Variants in KNL1 observed in about 807,000 individuals in gnomAD.
KNL1 encodes outer kinetochore KNL1 complex subunit KNL1.
A neutral mutation model predicts 201.3 loss-of-function variants in KNL1; 66 were observed. The observed-to-expected ratio is 0.33, with a 90% confidence interval of 0.27 to 0.40. KNL1 has a LOEUF of 0.40. Ranked by LOEUF, KNL1 falls within the 10% of genes least tolerant of loss-of-function variation. The pLI is 1.00. For missense variants in KNL1, 2,815 were observed against 2,690.5 expected (o/e 1.05, Z -1.02); for synonymous variants, 895 against 899.2 (o/e 1.00, Z 0.08).
At position 40,625,186 on chromosome 15, in the gene KNL1, TTAAAGA is replaced by T; in HGVS notation, c.4928_4933del (p.Asp1643_Lys1644del). 6.2e-7 allele frequency: 1 copy of T among 1,614,032 alleles called. No homozygotes were observed. The highest frequency in any genetic ancestry group is 8.5e-7 in the Non-Finnish European group (1 of 1,179,958). ...ACCTCTCTACCGCCAAAGACAGTTT[TTAAAGA>T]TAAAGTAAGGAGATGTTCTTTGGGA... is the stretch of plus-strand genomic sequence containing the variant. On this transcript the variant is annotated inframe_deletion, in exon 10 of 26. Coordinates refer to ENST00000399668, the MANE Select transcript of KNL1 (RefSeq NM_144508.5).
chr15:40,651,685 G>T (rs1053628238), intron 20 of KNL1, 113 bp downstream of exon 20: 4 of 684,770 alleles, frequency 5.8e-6, no homozygotes, highest in Non-Finnish European at 9.8e-6. Flanking sequence ...AACCTATACA[G>T]TGCTGTTTCA....
At position 40,608,871 on chromosome 15, in the gene KNL1, A is replaced by G. The variant is rs754076742; in HGVS notation, c.160A>G (p.Lys54Glu). The G allele has an allele frequency of 6.2e-7, 1 of 1,611,610 alleles. No individual in the cohort carries two copies. The highest frequency in any genetic ancestry group is 1.1e-5 in the South Asian group (1 of 91,034). Residue 54 changes from lysine (K) to glutamate (E), a missense_variant, in exon 5 of 26, where the codon AAA becomes GAA. Transcript: ENST00000399668. ...VQESNALRNKKNSRRVSFADT... is the reference protein window; with the variant it reads ...VQESNALRNKENSRRVSFADT... ...GGAATCCAATGCTTTGAGAAATAAG[A>G]AAAACTCTCGTCGAGTCAGCTTTGC... is the stretch of plus-strand genomic sequence containing the variant.
At chr15:40,646,525 T>C (rs989017636) in intron 16 of KNL1, among the ~76,000 whole-genome samples, 4 of 152,140 alleles carry the variant, frequency 2.6e-5, no homozygotes, top group Non-Finnish European at 5.9e-5. Context: ...TTTTATTTTT[T>C]AAGTTCCAAC....
intron 13 of KNL1, among the ~76,000 whole-genome samples, chr15:40,631,386 C>T (rs1260112511): frequency 6.6e-6 from 1 of 152,002 alleles, no homozygotes; most frequent in Non-Finnish European, 1.5e-5. Flanking sequence ...AATGGCTAGT[C>T]TGTGGGACAT....
chr15:40,659,725 C>A (rs570106406), intron 25 of KNL1, among the ~76,000 whole-genome samples: 1 of 152,188 alleles, frequency 6.6e-6, no homozygotes, highest in South Asian at 2.1e-4. Context: ...CGTGGTCCGC[C>A]CACCTCGGCC....
intron 4 of KNL1, 75 bp from the exon 5 acceptor site, chr15:40,608,772 T>G (rs1892059514): frequency 2.1e-6 from 2 of 957,070 alleles, no homozygotes; most frequent in Non-Finnish European, 3.1e-6. Flanking sequence ...GGACTTGATC[T>G]CTGTCTATAG....
At chr15:40,653,113 A>G (rs1251974762) in intron 21 of KNL1, among the ~76,000 whole-genome samples, 1 of 151,690 alleles carries the variant, frequency 6.6e-6, no homozygotes, top group Non-Finnish European at 1.5e-5. Context: ...CTTAGGAATC[A>G]CTCTATACCT....
Position 40,605,101 on chromosome 15 carries a change from CT to C in KNL1, c.36-4del. ...TCACTGTGTATATAATTTTGTTTTC[CT>C]TTTTCAGTGACAATATAGAGAGACC... On this transcript the variant is annotated splice_polypyrimidine_tract_variant and splice_region_variant and intron_variant, in intron 2 of 25. Coordinates refer to ENST00000399668, the MANE Select transcript of KNL1 (RefSeq NM_144508.5). 11 of 1,427,172 alleles carry C rather than the reference CT, an allele frequency of 7.7e-6. No individual in the cohort carries two copies. Among genetic ancestry groups the C allele is most frequent in the Admixed American group, 1.7e-5 (1 of 58,612 alleles). The allele number at this position is 1,427,172 out of a possible 1,614,324, so 88.4% of individuals were successfully genotyped here.
At position 40,621,023 on chromosome 15, in the gene KNL1, T is replaced by C. The variant is rs752929040; in HGVS notation, c.759T>C (p.Ser253=). ...IYSKEPNSAS[S]THQMHVSLKE... ...CCAAGGAACCGAACAGTGCCTCTTC[T>C]ACACATCAAATGCATGTATCTCTTA... The change falls in exon 10 of 26, where the codon TCT becomes TCC. Residue 253 remains serine (S), a synonymous_variant. Transcript: ENST00000399668. 1 of 1,606,984 alleles carries C rather than the reference T, an allele frequency of 6.2e-7. No homozygotes were observed. The highest frequency in any genetic ancestry group is 1.3e-5 in the African/African-American group (1 of 74,450).
At chr15:40,604,123 AT>A (rs1225799501) in intron 2 of KNL1, among the ~76,000 whole-genome samples, 2 of 151,492 alleles carry the variant, frequency 1.3e-5, no homozygotes, top group African/African-American at 4.9e-5. Context: ...ACATATCATC[AT>A]CATCATCATC....
intron 1 of KNL1, among the ~76,000 whole-genome samples, chr15:40,596,772 A>G (rs1164191175): frequency 6.6e-6 from 1 of 151,740 alleles, no homozygotes; most frequent in Non-Finnish European, 1.5e-5. Flanking sequence ...AGGCCGAGGC[A>G]GGCAGATCAC....
chr15:40,657,422 A>G lies in KNL1; in HGVS notation c.6662A>G (p.Lys2221Arg). 6.2e-7 allele frequency: 1 copy of G among 1,603,612 alleles called. No homozygotes were observed. The highest frequency in any genetic ancestry group is 8.5e-7 in the Non-Finnish European group (1 of 1,170,400). ...CTTGGAGAGGAGATTGAGTATTTAA[A>G]GAGATGGGGACCAAATTATAACCTA... is the stretch of plus-strand genomic sequence containing the variant. ...RLLGEEIEYL[K>R]RWGPNYNLMN... is the part of the protein sequence containing the mutation. The change falls in exon 24 of 26, where the codon AAG becomes AGG. Residue 2221 changes from lysine to arginine, a missense_variant. Physicochemically the swap from Lys to Arg is conservative, Grantham distance 26. Around this residue, in one of 3 missense-constraint regions of KNL1, gnomAD observed 334 missense variants for 362.6 expected, o/e 0.92. Coordinates refer to ENST00000399668, the MANE Select transcript of KNL1 (RefSeq NM_144508.5).
At chr15:40,619,870 AC>A (rs1434657563) in intron 9 of KNL1, among the ~76,000 whole-genome samples, 7 of 152,128 alleles carry the variant, frequency 4.6e-5, no homozygotes, top group Admixed American at 2.0e-4. Context: ...TGTATAATTA[AC>A]CTTGAATTTT....
At chr15:40,635,117 C>T (rs1408090515) in intron 13 of KNL1, among the ~76,000 whole-genome samples, 6 of 150,578 alleles carry the variant, frequency 4.0e-5, no homozygotes, top group African/African-American at 1.5e-4. Flanking sequence ...GGCACGATCT[C>T]GGCTCACTGC....
chr15:40,606,519 A>T, intron 4 of KNL1, 67 bp downstream of exon 4: 1 of 906,038 alleles, frequency 1.1e-6, no homozygotes, highest in Non-Finnish European at 1.8e-6. Flanking sequence ...CAAGAAGTTT[A>T]TTAGCTATTT....
At position 40,644,905 on chromosome 15, in the gene KNL1, A is replaced by G. The variant is rs955674647; in HGVS notation, c.5799-92A>G. 8 of 675,386 alleles carry G rather than the reference A, an allele frequency of 1.2e-5. No homozygotes were observed. The African/African-American group carries it at 1.5e-4, about 12-fold the overall frequency. 41.8% of individuals were successfully genotyped at this position (675,386 alleles called of 1,614,324 possible). On this transcript the variant is annotated intron_variant, in intron 14 of 25. Coordinates refer to ENST00000399668, the MANE Select transcript of KNL1 (RefSeq NM_144508.5). Reference sequence around the variant, plus strand: ...AAAGTACAGGTCTTTTTCCAAATGGAGTCTCTTACGTCTTTCCTTTCTACA... The same window carrying G: ...AAAGTACAGGTCTTTTTCCAAATGGGGTCTCTTACGTCTTTCCTTTCTACA...
chr15:40,660,493 C>T (rs1449913223), intron 25 of KNL1, among the ~76,000 whole-genome samples: 6 of 151,520 alleles, frequency 4.0e-5, no homozygotes, highest in African/African-American at 1.5e-4. Context: ...GGTGAAACCC[C>T]GCCTCTACTA....
intron 1 of KNL1, among the ~76,000 whole-genome samples, chr15:40,596,562 C>A (rs1476288261): frequency 6.6e-6 from 1 of 151,900 alleles, no homozygotes; most frequent in Non-Finnish European, 1.5e-5. Flanking sequence ...AGGTGTGAGC[C>A]ACTGTGCCTG....
intron 17 of KNL1, 114 bp from the exon 18 acceptor site, chr15:40,650,187 A>G (rs1893511615): frequency 2.8e-6 from 2 of 706,324 alleles, no homozygotes; most frequent in Admixed American, 6.3e-5. Context: ...TACCAAAGAA[A>G]CAATCTGTCG....
Sources: allele counts gnomAD v4.1 joint callset (sites outside exome capture counted in the v4.1 genomes callset), GRCh38; gene constraint gnomAD v4.1.1; regional missense constraint gnomAD v4.1.1; transcripts MANE v1.5; gene names NCBI Gene and HGNC (gene_info 2026-07-23, HGNC 2026-07-21).